Variants in CDC40 observed in about 807,000 individuals in gnomAD.
CDC40 encodes cell division cycle 40.
CDC40 carries 27 observed loss-of-function variants against 80.6 expected under a neutral mutation model. The ratio of observed to expected loss-of-function variants is 0.33; its 90% CI spans 0.25 to 0.46. The LOEUF is 0.46. Ranked by LOEUF, CDC40 falls within the 20% of genes least tolerant of loss-of-function variation. The pLI, the probability that CDC40 is intolerant of heterozygous loss-of-function variation, is 1.00. For missense variants in CDC40, 486 were observed against 694.1 expected (o/e 0.70, Z 3.37); for synonymous variants, 221 against 232.6 (o/e 0.95, Z 0.45).
chr6:110,186,017 C>A (rs371962667), intron 1 of CDC40, among the ~76,000 whole-genome samples: 1 of 152,152 alleles, frequency 6.6e-6, no homozygotes, highest in Non-Finnish European at 1.5e-5. Flanking sequence ...CTGAGCAATG[C>A]GAGAACCTTA....
Position 110,180,441 on chromosome 6 carries a change from C to G in CDC40, c.-4C>G, listed in dbSNP as rs370845621. Reference sequence around the variant, plus strand: ...AGGGTCTCCGCAGAAGATTTGTTGCCGTCATGTCGGCTGCGATTGCAGCTC... The same window carrying G: ...AGGGTCTCCGCAGAAGATTTGTTGCGGTCATGTCGGCTGCGATTGCAGCTC... On this transcript the variant is annotated 5_prime_UTR_variant, in exon 1 of 15. Coordinates refer to ENST00000307731, the MANE Select transcript of CDC40 (RefSeq NM_015891.3). The G allele has an allele frequency of 1.9e-6, 3 of 1,614,010 alleles. No homozygotes were observed. The highest frequency in any genetic ancestry group is 2.5e-6 in the Non-Finnish European group (3 of 1,179,976).
chr6:110,213,033 T>C (rs945703478), intron 7 of CDC40, 53 bp from the exon 8 acceptor site: 2 of 1,198,090 alleles, frequency 1.7e-6, no homozygotes, highest in Non-Finnish European at 2.5e-6. Flanking sequence ...GATGCTTCAT[T>C]TGAGCTGATC....
At chr6:110,227,781 T>A (rs571756863) in intron 13 of CDC40, among the ~76,000 whole-genome samples, 2 of 152,348 alleles carry the variant, frequency 1.3e-5, no homozygotes, top group South Asian at 4.1e-4. Context: ...GGTGATTTAA[T>A]GTATACAGGA....
chr6:110,227,485 T>C (rs991759118), intron 13 of CDC40, among the ~76,000 whole-genome samples: 1 of 152,196 alleles, frequency 6.6e-6, no homozygotes, highest in African/African-American at 2.4e-5. Flanking sequence ...CTATATTTCA[T>C]GTAGCGTATT....
intron 1 of CDC40, among the ~76,000 whole-genome samples, chr6:110,181,179 C>A (rs1777184195): frequency 6.6e-6 from 1 of 152,118 alleles, no homozygotes; most frequent in Admixed American, 6.5e-5. Context: ...TAGCACAGAG[C>A]CAACTAGTGA....
At chr6:110,211,299 C>T (rs1251593693) in intron 6 of CDC40, 1 of 152,078 alleles carries the variant, frequency 6.6e-6, no homozygotes, top group African/African-American at 2.4e-5. Flanking sequence ...TGCATATTCA[C>T]CAAAACAAAT....
intron 3 of CDC40, among the ~76,000 whole-genome samples, chr6:110,203,392 T>C (rs1219907903): frequency 6.6e-6 from 1 of 152,186 alleles, no homozygotes; most frequent in Admixed American, 6.5e-5. Context: ...CCACATGAAA[T>C]GTAAGGCTGT....
Position 110,219,371 on chromosome 6 carries a change from T to C in CDC40, c.1098T>C (p.Cys366=). The C allele has an allele frequency of 6.8e-7, 1 of 1,470,242 alleles. No individual in the cohort carries two copies. The highest frequency in any genetic ancestry group is 9.5e-7 in the Non-Finnish European group (1 of 1,050,526). 91.1% of individuals were successfully genotyped at this position (1,470,242 alleles called of 1,614,324 possible). ...LKLWDTETGQ[C]ISRFTNRKVP... ...TTGAGTCTTTGGTTTTAGGACAGTG[T>C]ATATCAAGATTTACAAACCGAAAAG... Residue 366 remains cysteine, a synonymous_variant, in exon 11 of 15, where the codon TGT becomes TGC. Transcript: ENST00000307731.
intron 1 of CDC40, among the ~76,000 whole-genome samples, chr6:110,183,826 T>C (rs973300603): frequency 2.6e-5 from 4 of 152,208 alleles, no homozygotes; most frequent in African/African-American, 9.6e-5. Context: ...TAATATGTTA[T>C]TGGTGATTTA....
At chr6:110,203,806 T>C (rs1297600304) in intron 3 of CDC40, among the ~76,000 whole-genome samples, 1 of 152,162 alleles carries the variant, frequency 6.6e-6, no homozygotes, top group South Asian at 2.1e-4. Context: ...AGTGGTTGTG[T>C]GAATTTTGTC....
At chr6:110,215,220 T>C (rs1777684446) in intron 8 of CDC40, 66 bp from the exon 9 acceptor site, 1 of 1,260,146 alleles carries the variant, frequency 7.9e-7, no homozygotes, top group African/African-American at 1.5e-5. Context: ...CATAGGGCTG[T>C]TGTTATTAAT....
chr6:110,228,851 A>G lies in CDC40; in HGVS notation c.1437A>G (p.Gln479=), dbSNP rs752984084. Reference sequence around the variant, plus strand: ...TTACAGGAAAATGGCTAGCATGCCAATCAATGGACAACCAAATCTTAATTT... The same window carrying G: ...TTACAGGAAAATGGCTAGCATGCCAGTCAATGGACAACCAAATCTTAATTT... ...LSPNGKWLAC[Q]SMDNQILIFG... Residue 479 remains glutamine (Q), a synonymous_variant, in exon 14 of 15, where the codon CAA becomes CAG. Transcript: ENST00000307731. 9 of 1,592,264 alleles carry G rather than the reference A, an allele frequency of 5.7e-6. No individual in the cohort carries two copies. In the African/African-American group the frequency reaches 9.5e-5, roughly 17 times the overall value.
In CDC40 at chr6:110,197,499, C is replaced by T. The variant is rs1033565198; in HGVS notation, c.277-4059C>T. ...AATACATTGTTATTAACTGTAGTCA[C>T]CATGTTGTACAATAGATCTTTTGAA... On this transcript the variant is annotated intron_variant, in intron 2 of 14. Coordinates refer to ENST00000307731, the MANE Select transcript of CDC40 (RefSeq NM_015891.3). Among the ~76,000 whole-genome samples the T allele has an allele frequency of 3.9e-5, 6 of 152,260 alleles. No individual in the cohort carries two copies. The East Asian group carries it at 1.2e-3, about 29-fold the overall frequency.
At chr6:110,216,967 C>T (rs572281562) in intron 9 of CDC40, among the ~76,000 whole-genome samples, 110 of 152,142 alleles carry the variant, frequency 7.2e-4, no homozygotes, top group African/African-American at 2.6e-3. Context: ...ATTAGCCAGG[C>T]GTTGTGGTGT....
chr6:110,227,491 G>T (rs969529448), intron 13 of CDC40, among the ~76,000 whole-genome samples: 1 of 152,074 alleles, frequency 6.6e-6, no homozygotes, highest in Non-Finnish European at 1.5e-5. Flanking sequence ...TTCATGTAGC[G>T]TATTTTTAAA....
At chr6:110,209,265 G>T (rs1417033793) in intron 5 of CDC40, 42 bp downstream of exon 5, 1 of 1,545,006 alleles carries the variant, frequency 6.5e-7, no homozygotes, top group Non-Finnish European at 8.9e-7. Flanking sequence ...GGTATACGCT[G>T]TATCTCTATG....
chr6:110,229,066 CATA>C (rs1438777833), intron 14 of CDC40, 90 bp downstream of exon 14: 9 of 1,029,960 alleles, frequency 8.7e-6, no homozygotes, highest in East Asian at 2.8e-5. Flanking sequence ...ATCACTCTCA[CATA>C]ATATGTTTTT....
At chr6:110,221,439 C>T (rs1777774554) in intron 12 of CDC40, among the ~76,000 whole-genome samples, 4 of 152,212 alleles carry the variant, frequency 2.6e-5, no homozygotes, top group Admixed American at 2.6e-4. Context: ...ACACTCACCA[C>T]CACCACCACT....
chr6:110,219,490 C>T lies in CDC40; in HGVS notation c.1206+11C>T. The T allele has an allele frequency of 6.8e-7, 1 of 1,460,470 alleles. No individual in the cohort carries two copies. Among genetic ancestry groups the T allele is most frequent in the Non-Finnish European group, 9.6e-7 (1 of 1,040,714 alleles). 90.5% of individuals were successfully genotyped at this position (1,460,470 alleles called of 1,614,324 possible). A position where few individuals can be genotyped will look rare whatever the true frequency, so the allele number is the denominator to read the frequency against. On this transcript the variant is annotated intron_variant, in intron 11 of 14. Coordinates refer to ENST00000307731, the MANE Select transcript of CDC40 (RefSeq NM_015891.3). ...AAGAAGATTGTGCAAGTAAGTCTTTCACAGTATTTTGTTAAGACTCCTAAG... is the reference window on the plus strand; with the variant it reads ...AAGAAGATTGTGCAAGTAAGTCTTTTACAGTATTTTGTTAAGACTCCTAAG...
Sources: gnomAD v4.1 joint callset for allele counts (sites outside exome capture counted in the v4.1 genomes callset) on GRCh38, gnomAD v4.1.1 for gene constraint, MANE v1.5 for transcripts, NCBI Gene and HGNC (gene_info 2026-07-23, HGNC 2026-07-21) for gene names.